The following MFN2 variants were observed in gnomAD, a reference collection of about 807,000 sequenced individuals.
The protein encoded by MFN2 is mitofusin-2.
A neutral mutation model predicts 87.5 loss-of-function variants in MFN2; 43 were observed. The ratio of observed to expected loss-of-function variants is 0.49; its 90% confidence interval spans 0.38 to 0.63. The LOEUF (loss-of-function observed/expected upper bound fraction) is 0.63, where lower values mean the gene tolerates loss of function less well. Among genes scored for constraint, MFN2 ranks in the 30% least tolerant of loss-of-function variants. The probability of loss-of-function intolerance (pLI) is 0.00; values close to 1 mark genes in which losing one functional copy is unlikely to be tolerated. For synonymous variants in MFN2, 337 were observed against 359.9 expected (o/e 0.94, Z 0.72); for missense variants, 743 against 972.8 (o/e 0.76, Z 3.14).
chr1:11,997,232 G>A, intron 5 of MFN2, 65 bp from the exon 6 acceptor site: 2 of 1,608,582 alleles, frequency 1.2e-6, no homozygotes, highest in Non-Finnish European at 1.7e-6. Flanking sequence ...TGATGCAGCG[G>A]CACAGGAAAT....
chr1:12,006,778 C>A, intron 16 of MFN2, 85 bp downstream of exon 16: 2 of 1,539,630 alleles, frequency 1.3e-6, no homozygotes, highest in Non-Finnish European at 1.8e-6. Flanking sequence ...GTGGCCCCTG[C>A]ATTGGGCCAC....
chr1:12,001,467 T>A lies in MFN2; in HGVS notation c.883T>A (p.Ser295Thr). ...LVDELGVVDR[S>T]QAGDRIFFVS... The stretch of plus-strand genomic sequence containing the variant: ...GGATGAGCTGGGCGTGGTGGATCGA[T>A]CCCAGGCCGGGGACCGCATCTTCTT... Residue 295 changes from serine to threonine, a missense_variant, in exon 9 of 19, where the codon TCC becomes ACC. By Grantham distance (58) the Ser-to-Thr change is moderately conservative. Transcript: ENST00000235329. The A allele has an allele frequency of 6.2e-7, 1 of 1,614,072 alleles. No individual in the cohort carries two copies. The highest frequency in any genetic ancestry group is 8.5e-7 in the Non-Finnish European group (1 of 1,180,010).
chr1:12,008,394 G>A (rs61776521), intron 17 of MFN2, among the ~76,000 whole-genome samples: 81,177 of 147,328 alleles, frequency 0.55, 22,510 homozygotes, highest in South Asian at 0.61. Context: ...CCTCCCTCCC[G>A]GACGGGGTGG....
chr1:12,006,955 C>G lies in MFN2; in HGVS notation c.1873-98C>G, dbSNP rs980121953. 2.0e-5 allele frequency: 30 copies of G among 1,496,110 alleles called. No individual in the cohort carries two copies. The Admixed American group carries it at 4.3e-4, about 22-fold the overall frequency. 92.7% of individuals were successfully genotyped at this position (1,496,110 alleles called of 1,614,324 possible). On this transcript the variant is annotated intron_variant, in intron 16 of 18. Coordinates refer to ENST00000235329, the MANE Select transcript of MFN2 (RefSeq NM_014874.4). ...ACTCAGAGTAGAAACATGAAGGCTCCTTGGCTGGGGCCCTTCAGATGGCCC... is the reference window on the plus strand; with the variant it reads ...ACTCAGAGTAGAAACATGAAGGCTCGTTGGCTGGGGCCCTTCAGATGGCCC...
At chr1:11,991,923 C>CAAAAA (rs35314016) in intron 3 of MFN2, among the ~76,000 whole-genome samples, 1,753 of 16,706 alleles carry the variant, frequency 0.1, 472 homozygotes, top group Non-Finnish European at 0.15. Flanking sequence ...GACTCCGTCT[C>CAAAAA]AAAAAAAAAA....
chr1:11,995,062 C>T (rs1638850674), intron 4 of MFN2, among the ~76,000 whole-genome samples: 1 of 151,814 alleles, frequency 6.6e-6, no homozygotes, highest in South Asian at 2.1e-4. Context: ...AGCAACATGG[C>T]AAGACCCCAT....
At chr1:11,992,533 C>T (rs745725414) in intron 3 of MFN2, 22 bp from the exon 4 acceptor site, 1 of 1,614,126 alleles carries the variant, frequency 6.2e-7, no homozygotes, top group Non-Finnish European at 8.5e-7. Flanking sequence ...CGTGGTGACC[C>T]ATTTTCAATC....
At chr1:11,982,859 T>C (rs893472142) in intron 2 of MFN2, among the ~76,000 whole-genome samples, 1 of 152,154 alleles carries the variant, frequency 6.6e-6, no homozygotes, top group East Asian at 1.9e-4. Context: ...AGAGTGGGCT[T>C]TTCCCTAAAG....
At chr1:12,006,346 A>AT (rs1303676615) in intron 15 of MFN2, among the ~76,000 whole-genome samples, 192 bp from the exon 16 acceptor site, 1 of 152,070 alleles carries the variant, frequency 6.6e-6, no homozygotes, top group Non-Finnish European at 1.5e-5. Context: ...TCCTGCTCAC[A>AT]TTTTGCACGT....
intron 3 of MFN2, chr1:11,992,142 TAAAC>T: frequency 4.2e-6 from 1 of 237,138 alleles, no homozygotes; most frequent in Non-Finnish European, 8.5e-6. Flanking sequence ...TAAGAAAAAA[TAAAC>T]AAGGAAGGCA....
chr1:11,992,494 G>C, intron 3 of MFN2, 61 bp from the exon 4 acceptor site: 2 of 1,611,078 alleles, frequency 1.2e-6, no homozygotes, highest in South Asian at 2.2e-5. Flanking sequence ...GGCCCTTCCA[G>C]ACTTGGGACT....
rs756851126 is a variant in MFN2 at position 11,997,360 on chromosome 1, A to C, written c.538A>C (p.Ser180Arg). 1.5e-5 allele frequency: 25 copies of C among 1,614,098 alleles called. No individual in the cohort carries two copies. The highest frequency in any genetic ancestry group is 2.0e-5 in the Non-Finnish European group (24 of 1,180,012). The change falls in exon 6 of 19, where the codon AGT becomes CGT. Residue 180 changes from serine to arginine, a missense_variant. By Grantham distance (110) the Ser-to-Arg change is moderately radical. Coordinates refer to ENST00000235329, the MANE Select transcript of MFN2 (RefSeq NM_014874.4). ...DKQLHAGSLV[S>R]VMWPNSKCPL... ...GCAGCTCCATGCCGGCAGCCTAGTG[A>C]GTGTGATGTGGCCCAACTCTAAGTG...
intron 6 of MFN2, among the ~76,000 whole-genome samples, chr1:11,998,438 C>A (rs779038387): frequency 6.6e-6 from 1 of 151,954 alleles, no homozygotes; most frequent in Non-Finnish European, 1.5e-5. Flanking sequence ...GTGCCAGCTA[C>A]TTGGGAGGCT....
intron 5 of MFN2, 61 bp downstream of exon 5, chr1:11,996,379 G>A: frequency 6.2e-7 from 1 of 1,603,460 alleles, no homozygotes; most frequent in African/African-American, 1.3e-5. Context: ...CCTCCGTTGT[G>A]ACACGGCTGA....
chr1:12,011,774 C>A lies in MFN2; in HGVS notation c.*209C>A, dbSNP rs113306881. The A allele has an allele frequency of 1.3e-5, 8 of 614,656 alleles. No individual in the cohort carries two copies. Among genetic ancestry groups the A allele is most frequent in the Middle Eastern group, 4.4e-4 (1 of 2,282 alleles). 38.1% of individuals were successfully genotyped at this position (614,656 alleles called of 1,614,324 possible). On this transcript the variant is annotated 3_prime_UTR_variant, in exon 19 of 19. Transcript: ENST00000235329. Reference sequence around the variant, plus strand: ...TTGCTGGAAGAGCTGGCTCATACCCCCAAAGGACACTTTCAGCGACAGCTA... The same window carrying A: ...TTGCTGGAAGAGCTGGCTCATACCCACAAAGGACACTTTCAGCGACAGCTA...
rs1639759832 is a variant in MFN2, at chr1:12,013,160, G to A, written c.*1595G>A. Reference sequence around the variant, plus strand: ...TCACAGCATGTCAGGGAAAATCACTGTCACACAATTCCAATGGATTTTGTG... The same window carrying A: ...TCACAGCATGTCAGGGAAAATCACTATCACACAATTCCAATGGATTTTGTG... On this transcript the variant is annotated 3_prime_UTR_variant, in exon 19 of 19. Transcript: ENST00000235329. 1 of 349,672 alleles carries A rather than the reference G, an allele frequency of 2.9e-6. No individual in the cohort carries two copies. Among genetic ancestry groups the A allele is most frequent in the African/African-American group, 2.2e-5 (1 of 46,202 alleles). 21.7% of individuals were successfully genotyped at this position (349,672 alleles called of 1,614,324 possible).
intron 8 of MFN2, among the ~76,000 whole-genome samples, chr1:12,001,061 G>C (rs1639147992): frequency 6.6e-6 from 1 of 152,124 alleles, no homozygotes; most frequent in Admixed American, 6.5e-5. Context: ...GCCCAGGCTG[G>C]AGTGCAGTGG....
chr1:11,999,172 C>G, intron 8 of MFN2, 77 bp downstream of exon 8: 2 of 1,158,600 alleles, frequency 1.7e-6, no homozygotes, highest in Non-Finnish European at 2.6e-6. Flanking sequence ...ACTTCCTGCA[C>G]CCCTGGATCT....
rs575528575 is a variant in MFN2, at chr1:12,011,797, C to T, written c.*232C>T. 21 of 597,040 alleles carry T rather than the reference C, an allele frequency of 3.5e-5. No homozygotes were observed. In the East Asian group the frequency reaches 5.9e-4, roughly 17 times the overall value. The allele number at this position is 597,040 out of a possible 1,614,324, so 37.0% of individuals were successfully genotyped here. A position where few individuals can be genotyped will look rare whatever the true frequency, so the allele number is the denominator to read the frequency against. On this transcript the variant is annotated 3_prime_UTR_variant, in exon 19 of 19. Coordinates refer to ENST00000235329, the MANE Select transcript of MFN2 (RefSeq NM_014874.4). ...CCCCAAAGGACACTTTCAGCGACAG[C>T]TATGGACAGCATGGTACCAAGGAGT...
Sources: gnomAD v4.1 joint callset for allele counts (sites outside exome capture counted in the v4.1 genomes callset) on GRCh38, gnomAD v4.1.1 for gene constraint, MANE v1.5 for transcripts, NCBI Gene and HGNC (gene_info 2026-07-23, HGNC 2026-07-21) for gene names.